The following SMAD4 variants were observed in gnomAD, a reference collection of about 807,000 sequenced individuals.
SMAD4 encodes the protein MAD homolog 4.
A neutral mutation model predicts 63.2 loss-of-function variants in SMAD4; 7 were observed. The ratio of observed to expected loss-of-function variants is 0.11; its 90% CI spans 0.06 to 0.21. SMAD4 has a LOEUF of 0.21. Ranked by LOEUF, SMAD4 falls within the 10% of genes least tolerant of loss-of-function variation. The pLI is 1.00. For missense variants in SMAD4, 312 were observed against 693.8 expected (o/e 0.45, Z 6.18); for synonymous variants, 215 against 235.4 (o/e 0.91, Z 0.79).
intron 10 of SMAD4, among the ~76,000 whole-genome samples, chr18:51,072,284 TGTA>T (rs1439537194): frequency 6.6e-5 from 10 of 152,180 alleles, no homozygotes; most frequent in African/African-American, 2.4e-4. Context: ...TTTTAGCCAT[TGTA>T]GTAGGTGTGA....
At chr18:51,034,659 A>T (rs987286245) in intron 1 of SMAD4, among the ~76,000 whole-genome samples, 1 of 152,084 alleles carries the variant, frequency 6.6e-6, no homozygotes, top group Non-Finnish European at 1.5e-5. Context: ...ATCCCACTTC[A>T]GCTGCTGCGG....
chr18:51,041,257 T>C (rs1909372114), intron 1 of SMAD4, among the ~76,000 whole-genome samples: 1 of 152,230 alleles, frequency 6.6e-6, no homozygotes, highest in Admixed American at 6.5e-5. Flanking sequence ...CTTATCCGTC[T>C]CTGCTTTTCC....
chr18:51,031,163 A>G lies in SMAD4; in HGVS notation c.-128+540A>G, dbSNP rs142196376. 1.3e-3 allele frequency among the ~76,000 whole-genome samples: 193 copies of G among 152,272 alleles called. No homozygotes were observed. Among genetic ancestry groups the G allele is most frequent in the African/African-American group, 4.4e-3 (182 of 41,552 alleles). ...GCGGTATGCAGGACACATTCTTAGC[A>G]CCTAACTGAACCCCTCCTTGCCCCC... On this transcript the variant is annotated intron_variant, in intron 1 of 11. Coordinates refer to ENST00000342988, the MANE Select transcript of SMAD4 (RefSeq NM_005359.6).
rs540044887 is a variant in SMAD4, at chr18:51,081,433, C to G, written c.*2966C>G. On this transcript the variant is annotated 3_prime_UTR_variant, in exon 12 of 12. Transcript: ENST00000342988. ...ATCTCATTTTTAATAGTTTACCGCC[C>G]CTGGTATACAAAGATAATGACAATA... is the stretch of plus-strand genomic sequence containing the variant. The G allele has an allele frequency of 4.3e-6, 1 of 230,508 alleles. No homozygotes were observed. The highest frequency in any genetic ancestry group is 1.8e-4 in the South Asian group (1 of 5,490). 14.3% of individuals were successfully genotyped at this position (230,508 alleles called of 1,614,324 possible).
At chr18:51,073,388 T>TATATATATAACACAC (rs1417299090) in intron 10 of SMAD4, among the ~76,000 whole-genome samples, 9 of 64,186 alleles carry the variant, frequency 1.4e-4, no homozygotes, top group Non-Finnish European at 2.4e-4. Context: ...TATATATATA[T>TATATATATAACACAC]ACACACACAC....
intron 11 of SMAD4, 83 bp downstream of exon 11, chr18:51,076,859 G>A (rs1032080167): frequency 4.5e-6 from 5 of 1,116,076 alleles, no homozygotes; most frequent in Non-Finnish European, 6.3e-6. Context: ...GTTTCTTTGA[G>A]CAGTAATAGA....
intron 7 of SMAD4, among the ~76,000 whole-genome samples, chr18:51,058,883 T>A (rs1909925847): frequency 6.6e-6 from 1 of 152,166 alleles, no homozygotes; most frequent in Non-Finnish European, 1.5e-5. Flanking sequence ...GCTGGCATGA[T>A]TGGGAGGAAT....
Position 51,082,338 on chromosome 18 carries a change from A to AT in SMAD4, c.*3878dup, listed in dbSNP as rs373831598. ...ATGACAATCTTGTTCAAGCCTTTCC[A>AT]TTTTTTTCCCTGATAACTAAGTAAT... is the stretch of plus-strand genomic sequence containing the variant. On this transcript the variant is annotated 3_prime_UTR_variant, in exon 12 of 12. Transcript: ENST00000342988. 277 of 227,660 alleles carry AT rather than the reference A, an allele frequency of 1.2e-3. 3 individuals are homozygous for AT. The highest frequency in any genetic ancestry group is 7.7e-3 in the East Asian group (121 of 15,810). 14.1% of individuals were successfully genotyped at this position (227,660 alleles called of 1,614,324 possible).
chr18:51,060,007 T>G (rs1303840952), intron 8 of SMAD4, 91 bp downstream of exon 8: 2 of 972,126 alleles, frequency 2.1e-6, no homozygotes, highest in African/African-American at 3.2e-5. Context: ...AATTATGGGG[T>G]CACTTCTCAG....
intron 1 of SMAD4, among the ~76,000 whole-genome samples, chr18:51,043,254 TTGTATC>T: frequency 1.3e-5 from 2 of 152,244 alleles, no homozygotes; most frequent in Non-Finnish European, 2.9e-5. Context: ...CTTCCTGTTT[TTGTATC>T]TGTAGTGCTT....
At chr18:51,055,056 G>A (rs1599187189) in intron 5 of SMAD4, 63 bp downstream of exon 5, 1 of 1,210,480 alleles carries the variant, frequency 8.3e-7, no homozygotes, top group Non-Finnish European at 1.2e-6. Context: ...TTATTTATGT[G>A]TAGTCACTTG....
chr18:51,057,221 T>G (rs1421991054), intron 5 of SMAD4, among the ~76,000 whole-genome samples: 1 of 152,160 alleles, frequency 6.6e-6, no homozygotes, highest in Non-Finnish European at 1.5e-5. Context: ...TAGAAAAGAA[T>G]GAGGTGATGC....
chr18:51,031,105 G>A (rs1428394932), intron 1 of SMAD4, among the ~76,000 whole-genome samples: 1 of 152,164 alleles, frequency 6.6e-6, no homozygotes, highest in Non-Finnish European at 1.5e-5. Context: ...TTCTGGCTTT[G>A]ATATGTTTAC....
chr18:51,055,027 G>GAGTTTTCCA, intron 5 of SMAD4, 34 bp downstream of exon 5: 1 of 1,508,216 alleles, frequency 6.6e-7, no homozygotes, highest in Non-Finnish European at 9.2e-7. Context: ...TCAGCAAGTT[G>GAGTTTTCCA]AGTTTTCCTA....
In SMAD4 at chr18:51,082,989, A is replaced by G. The variant is rs1416124872; in HGVS notation, c.*4522A>G. On this transcript the variant is annotated 3_prime_UTR_variant, in exon 12 of 12. Transcript: ENST00000342988. The stretch of plus-strand genomic sequence containing the variant: ...AAAGACCTCATTGTATTGGCATTTG[A>G]TATCAGTTTGATGTAGCTTAGAGTG... 2.7e-5 allele frequency: 6 copies of G among 225,844 alleles called. No individual in the cohort carries two copies. Among genetic ancestry groups the G allele is most frequent in the Non-Finnish European group, 5.3e-5 (6 of 113,504 alleles). 14.0% of individuals were successfully genotyped at this position (225,844 alleles called of 1,614,324 possible).
At position 51,058,207 on chromosome 18, in the gene SMAD4, G is replaced by A. The variant is rs1555685922; in HGVS notation, c.750G>A (p.Gln250=). 1.2e-6 allele frequency: 2 copies of A among 1,614,198 alleles called. No individual in the cohort carries two copies. Among genetic ancestry groups the A allele is most frequent in the Non-Finnish European group, 1.7e-6 (2 of 1,180,030 alleles). Residue 250 remains glutamine, a synonymous_variant, in exon 6 of 12, where the codon CAG becomes CAA. Transcript: ENST00000342988. ...CAGGGCCTCAGCCAGGACAGCAGCA[G>A]AATGGATTTACTGGTCAGCCAGCTA... is the stretch of plus-strand genomic sequence containing the variant. ...IASGPQPGQQ[Q]NGFTGQPATY... is the part of the protein sequence containing the mutation.
chr18:51,080,290 AATAAC>A lies in SMAD4; in HGVS notation c.*1824_*1828del, dbSNP rs889293667. On this transcript the variant is annotated 3_prime_UTR_variant, in exon 12 of 12. Transcript: ENST00000342988. Reference sequence around the variant, plus strand: ...CCAAGCTACATGACTTTTGTCTTTAAATAACTTATCTACCACCTCATTTGTACTCT... The same window carrying A: ...CCAAGCTACATGACTTTTGTCTTTAATTATCTACCACCTCATTTGTACTCT... 4.3e-6 allele frequency: 1 copy of A among 232,244 alleles called. No individual in the cohort carries two copies. The highest frequency in any genetic ancestry group is 2.2e-5 in the African/African-American group (1 of 45,430). 14.4% of individuals were successfully genotyped at this position (232,244 alleles called of 1,614,324 possible).
chr18:51,047,305 A>T lies in SMAD4; in HGVS notation c.249+10A>T. ...GGATGGGAGGCTTCAGGTTAGTCTTATAAGAGTTTTTCTATACCCTCTATG... is the reference window on the plus strand; with the variant it reads ...GGATGGGAGGCTTCAGGTTAGTCTTTTAAGAGTTTTTCTATACCCTCTATG... On this transcript the variant is annotated intron_variant, in intron 2 of 11. Transcript: ENST00000342988. The T allele has an allele frequency of 6.2e-7, 1 of 1,610,444 alleles. No homozygotes were observed. Among genetic ancestry groups the T allele is most frequent in the East Asian group, 2.2e-5 (1 of 44,840 alleles).
chr18:51,080,249 A>C lies in SMAD4; in HGVS notation c.*1782A>C, dbSNP rs942082364. On this transcript the variant is annotated 3_prime_UTR_variant, in exon 12 of 12. Coordinates refer to ENST00000342988, the MANE Select transcript of SMAD4 (RefSeq NM_005359.6). Reference sequence around the variant, plus strand: ...CTGAGTTTGCTTATTTCTGTGATTTAAACATAGATCTTGATCCAAGCTACA... The same window carrying C: ...CTGAGTTTGCTTATTTCTGTGATTTCAACATAGATCTTGATCCAAGCTACA... The C allele has an allele frequency of 1.7e-5, 4 of 232,120 alleles. No individual in the cohort carries two copies. Among genetic ancestry groups the C allele is most frequent in the African/African-American group, 8.8e-5 (4 of 45,308 alleles). The allele number at this position is 232,120 out of a possible 1,614,324, so 14.4% of individuals were successfully genotyped here. A position where few individuals can be genotyped will look rare whatever the true frequency, so the allele number is the denominator to read the frequency against.
Sources: gnomAD v4.1 joint callset for allele counts (sites outside exome capture counted in the v4.1 genomes callset) on GRCh38, gnomAD v4.1.1 for gene constraint, MANE v1.5 for transcripts, NCBI Gene and HGNC (gene_info 2026-07-23, HGNC 2026-07-21) for gene names.